The following PARL variants were observed in gnomAD, a reference collection of about 807,000 sequenced individuals.
The protein encoded by PARL is presenilin associated rhomboid like.
Under a neutral mutation model 51.6 loss-of-function variants are expected in PARL, and 44 were observed. That is an observed-to-expected ratio of 0.85 (90% CI 0.67 to 1.10). PARL has a LOEUF of 1.10. Among genes scored for constraint, PARL ranks in the 50% least tolerant of loss-of-function variants. PARL has a pLI of 0.00. For missense variants in PARL, 441 were observed against 469.5 expected, an observed-to-expected ratio of 0.94 and a Z score of 0.56; for synonymous variants, 172 against 164.0, an observed-to-expected ratio of 1.05 and a Z score of -0.37.
At chr3:183,831,047 G>A (rs748385779) in intron 9 of PARL, among the ~76,000 whole-genome samples, 7 of 152,202 alleles carry the variant, frequency 4.6e-5, no homozygotes, top group African/African-American at 7.2e-5. Flanking sequence ...CGTGATCTCA[G>A]CTCACTGTAA....
chr3:183,884,736 C>A lies in PARL; in HGVS notation c.111G>T (p.Gln37His). The A allele has an allele frequency of 6.3e-7, 1 of 1,589,632 alleles. No individual in the cohort carries two copies. Among genetic ancestry groups the A allele is most frequent in the South Asian group, 1.1e-5 (1 of 88,370 alleles). Residue 37 changes from glutamine to histidine, a missense_variant, in exon 1 of 10, where the codon CAG becomes CAT. Transcript: ENST00000317096. ...EELTAVLTPP[Q>H]LLGRRFNFFI... ...GCGGCTATTACCTGCGTCCGAGGAG[C>A]TGCGGCGGGGTTAGGACCGCAGTGA... is the stretch of plus-strand genomic sequence containing the variant.
chr3:183,826,620 G>A, downstream of PARL: 1 of 985,420 alleles, frequency 1.0e-6, no homozygotes, highest in Non-Finnish European at 1.2e-6. Flanking sequence ...GTCTTAGCTT[G>A]AAGTTGTAGC....
chr3:183,826,880 C>CTTTG, downstream of PARL: 1 of 630,948 alleles, frequency 1.6e-6, no homozygotes, highest in Non-Finnish European at 2.0e-6. Context: ...TTTATTACTT[C>CTTTG]ATTGATCAAA....
chr3:183,864,385 T>C (rs902108042), intron 3 of PARL, among the ~76,000 whole-genome samples: 1 of 151,978 alleles, frequency 6.6e-6, no homozygotes, highest in African/African-American at 2.4e-5. Flanking sequence ...GGAAGGGCAA[T>C]GTGTCATTAA....
chr3:183,879,928 G>A lies in PARL; in HGVS notation c.125+4794C>T, dbSNP rs952719245. 4.3e-5 allele frequency among the ~76,000 whole-genome samples: 6 copies of A among 138,620 alleles called. No individual in the cohort carries two copies. In the South Asian group the frequency reaches 9.0e-4, roughly 21 times the overall value. The allele number at this position is 138,620 out of a possible 152,430, so 90.9% of individuals were successfully genotyped here. A position where few individuals can be genotyped will look rare whatever the true frequency, so the allele number is the denominator to read the frequency against. On this transcript the variant is annotated intron_variant, in intron 1 of 9. Coordinates refer to ENST00000317096, the MANE Select transcript of PARL (RefSeq NM_018622.7). ...GTATTTTTAGTAGAGACAGGGTTTC[G>A]CCATATTGGCCAGGCTGGTCTCGAA...
intron 3 of PARL, among the ~76,000 whole-genome samples, chr3:183,865,293 G>C (rs115021874): frequency 0.013 from 1,923 of 152,262 alleles, 37 homozygotes; most frequent in African/African-American, 0.044. Context: ...AGGTGACAGA[G>C]TGGGACGCTG....
rs755970740 is a variant in PARL, at chr3:183,840,642, T to G, written c.758-2A>C. 22 of 1,489,154 alleles carry G rather than the reference T, an allele frequency of 1.5e-5. No individual in the cohort carries two copies. The highest frequency in any genetic ancestry group is 2.0e-5 in the Non-Finnish European group (21 of 1,073,136). The allele number at this position is 1,489,154 out of a possible 1,614,324, so 92.2% of individuals were successfully genotyped here. ...AACTGACAAAATTGGAAATAACACC[T>G]GAAAAACAAGTCACATTACAATAAT... On this transcript the variant is annotated splice_acceptor_variant, in intron 6 of 9. Transcript: ENST00000317096. LOFTEE classifies it high-confidence loss of function.
chr3:183,863,297 G>T (rs549330339), intron 3 of PARL, among the ~76,000 whole-genome samples: 1 of 151,944 alleles, frequency 6.6e-6, no homozygotes, highest in Non-Finnish European at 1.5e-5. Context: ...AGGGATACAT[G>T]TTGAAAATTT....
At chr3:183,866,167 C>T (rs376816553) in intron 3 of PARL, among the ~76,000 whole-genome samples, 3 of 152,082 alleles carry the variant, frequency 2.0e-5, no homozygotes, top group Non-Finnish European at 2.9e-5. Flanking sequence ...GCCCGGCCAA[C>T]GTTAACATTT....
chr3:183,883,291 T>C (rs1159318572), intron 1 of PARL, among the ~76,000 whole-genome samples: 2 of 152,190 alleles, frequency 1.3e-5, no homozygotes, highest in Non-Finnish European at 2.9e-5. Context: ...TTATTTTACA[T>C]GGAGTCTCAC....
At chr3:183,861,136 G>T in intron 4 of PARL, 1 of 367,016 alleles carries the variant, frequency 2.7e-6, no homozygotes, top group Non-Finnish European at 3.8e-6. Context: ...CATAAAAGAA[G>T]CAAGCAAACA....
At position 183,884,347 on chromosome 3, in the gene PARL, A is replaced by G. The variant is rs143508289; in HGVS notation, c.125+375T>C. On this transcript the variant is annotated intron_variant, in intron 1 of 9. Transcript: ENST00000317096. ...CTGGTTGTAATGGAACACAACCTTT[A>G]TAATTAGATGGAAAAAGAATAAAAA... Among the ~76,000 whole-genome samples the G allele has an allele frequency of 3.7e-4, 56 of 152,348 alleles. 4 individuals carry two copies. The East Asian group carries it at 0.011, about 29-fold the overall frequency.
chr3:183,831,773 T>C (rs1727970038), intron 9 of PARL, among the ~76,000 whole-genome samples: 1 of 152,194 alleles, frequency 6.6e-6, no homozygotes, highest in South Asian at 2.1e-4. Context: ...GATTTTAGAT[T>C]TCTAAATCTA....
intron 1 of PARL, 106 bp downstream of exon 1, chr3:183,884,616 T>A: frequency 8.8e-7 from 1 of 1,133,634 alleles, no homozygotes; most frequent in Non-Finnish European, 1.3e-6. Flanking sequence ...GTGAAGGGGG[T>A]GAGCTGGGGC....
chr3:183,884,657 C>G (rs1734920661), intron 1 of PARL, 65 bp downstream of exon 1: 1 of 1,527,538 alleles, frequency 6.5e-7, no homozygotes, highest in South Asian at 1.2e-5. Context: ...GCCTCCGCCC[C>G]CGAGGATACA....
chr3:183,860,785 G>GC (rs745727652), intron 4 of PARL, among the ~76,000 whole-genome samples: 1 of 150,702 alleles, frequency 6.6e-6, no homozygotes, highest in Non-Finnish European at 1.5e-5. Flanking sequence ...GCAAAACCTT[G>GC]CCACCCTAAA....
chr3:183,880,361 T>C (rs372408672), intron 1 of PARL, among the ~76,000 whole-genome samples: 15 of 152,182 alleles, frequency 9.9e-5, no homozygotes, highest in Admixed American at 4.6e-4. Context: ...GAGGATGTCA[T>C]GAATACTTAA....
chr3:183,846,988 T>C (rs765414247), intron 4 of PARL, among the ~76,000 whole-genome samples: 3 of 152,168 alleles, frequency 2.0e-5, no homozygotes, highest in Non-Finnish European at 4.4e-5. Flanking sequence ...GCCAGGAGGA[T>C]TTATTTTGAC....
chr3:183,872,788 C>CA (rs1469878449), intron 1 of PARL, among the ~76,000 whole-genome samples: 1 of 152,098 alleles, frequency 6.6e-6, no homozygotes, highest in Non-Finnish European at 1.5e-5. Flanking sequence ...TAAAAATGGA[C>CA]ACGTCACTGA....
Sources: allele counts gnomAD v4.1 joint callset (sites outside exome capture counted in the v4.1 genomes callset), GRCh38; gene constraint gnomAD v4.1.1; transcripts MANE v1.5; gene names NCBI Gene and HGNC (gene_info 2026-07-23, HGNC 2026-07-21).